The following PPFIA1 variants were observed in gnomAD, a reference collection of about 807,000 sequenced individuals.
PPFIA1 encodes the protein liprin-alpha-1.
A neutral mutation model predicts 149.9 loss-of-function variants in PPFIA1; 25 were observed. The ratio of observed to expected loss-of-function variants is 0.17; its 90% confidence interval spans 0.12 to 0.23. PPFIA1 has a LOEUF of 0.23. Ranked by LOEUF, PPFIA1 falls within the 10% of genes least tolerant of loss-of-function variation. The probability of loss-of-function intolerance (pLI) is 1.00; values close to 1 mark genes in which losing one functional copy is unlikely to be tolerated. For synonymous variants in PPFIA1, 549 were observed against 552.8 expected (o/e 0.99, Z 0.10); for missense variants, 1,362 against 1,506.5 (o/e 0.90, Z 1.59).
intron 13 of PPFIA1, 52 bp downstream of exon 13, chr11:70,338,505 G>A: frequency 6.8e-7 from 1 of 1,480,292 alleles, no homozygotes; most frequent in Non-Finnish European, 9.4e-7. Flanking sequence ...TGGCAGGCCA[G>A]TTCTTGGCTA....
intron 26 of PPFIA1, chr11:70,380,979 T>G (rs1044923850): frequency 4.6e-5 from 7 of 152,040 alleles, no homozygotes; most frequent in Non-Finnish European, 7.3e-5. Context: ...TTTTGAATTT[T>G]TTGTAGAGAT....
intron 21 of PPFIA1, among the ~76,000 whole-genome samples, chr11:70,363,912 G>A (rs539112750): frequency 6.6e-6 from 1 of 151,126 alleles, no homozygotes; most frequent in South Asian, 2.1e-4. Flanking sequence ...TTTTTGTAGA[G>A]ATGGGTCTCA....
chr11:70,271,934 C>G, intron 1 of PPFIA1: 1 of 496,308 alleles, frequency 2.0e-6, no homozygotes, highest in Non-Finnish European at 3.6e-6. Context: ...GAGGGTAGTC[C>G]TTTGGGATCT....
intron 23 of PPFIA1, among the ~76,000 whole-genome samples, chr11:70,372,857 C>T (rs1026654111): frequency 1.2e-4 from 18 of 152,190 alleles, no homozygotes; most frequent in African/African-American, 3.9e-4. Flanking sequence ...TTTGGTCATG[C>T]CCTGTGTACT....
At chr11:70,329,453 T>G (rs2054527006) in intron 7 of PPFIA1, among the ~76,000 whole-genome samples, 1 of 152,128 alleles carries the variant, frequency 6.6e-6, no homozygotes, top group Admixed American at 6.5e-5. Context: ...TATTATTTAT[T>G]TATTTATTTT....
At chr11:70,367,469 A>G (rs1214451371) in intron 21 of PPFIA1, 1 of 454,850 alleles carries the variant, frequency 2.2e-6, no homozygotes, top group Admixed American at 2.4e-5. Context: ...TGGAGCTCCC[A>G]TTTTATGGAG....
At chr11:70,376,484 A>G (rs746319817) in intron 24 of PPFIA1, 48 bp from the exon 25 acceptor site, 2 of 1,547,690 alleles carry the variant, frequency 1.3e-6, no homozygotes, top group South Asian at 2.2e-5. Flanking sequence ...AACACCCTTC[A>G]AATTAGATTT....
intron 2 of PPFIA1, among the ~76,000 whole-genome samples, chr11:70,296,036 C>G (rs2051978428): frequency 1.3e-5 from 2 of 151,904 alleles, no homozygotes. Context: ...CTCCTCACAT[C>G]CCAGACGGGG....
chr11:70,330,391 C>G (rs1311857241), intron 8 of PPFIA1, 72 bp downstream of exon 8: 2 of 1,331,894 alleles, frequency 1.5e-6, no homozygotes, highest in South Asian at 3.2e-5. Flanking sequence ...TTTTCTCTCA[C>G]TTTCATGTTG....
At chr11:70,350,776 A>C (rs1481557959) in intron 16 of PPFIA1, among the ~76,000 whole-genome samples, 1 of 152,186 alleles carries the variant, frequency 6.6e-6, no homozygotes, top group Non-Finnish European at 1.5e-5. Flanking sequence ...AATTTTATCT[A>C]AGTAATAATT....
chr11:70,286,282 C>T (rs553272326), intron 2 of PPFIA1, among the ~76,000 whole-genome samples: 33 of 152,266 alleles, frequency 2.2e-4, no homozygotes, highest in South Asian at 1.9e-3. Flanking sequence ...GATGGAGTCT[C>T]GTCCTGTTGC....
At chr11:70,319,403 G>A (rs113375115) in intron 2 of PPFIA1, among the ~76,000 whole-genome samples, 75 of 152,358 alleles carry the variant, frequency 4.9e-4, no homozygotes, top group African/African-American at 1.7e-3. Context: ...GAAAACGGGT[G>A]AAGGGCACGG....
chr11:70,308,136 C>T (rs1565373932), intron 2 of PPFIA1, among the ~76,000 whole-genome samples: 1 of 152,216 alleles, frequency 6.6e-6, no homozygotes, highest in African/African-American at 2.4e-5. Flanking sequence ...GCAACCTTCG[C>T]CTCCTGGGAT....
intron 2 of PPFIA1, among the ~76,000 whole-genome samples, chr11:70,319,600 C>G (rs1341790617): frequency 5.9e-5 from 9 of 152,188 alleles, no homozygotes; most frequent in Non-Finnish European, 1.0e-4. Flanking sequence ...TTGAGCACAT[C>G]CCTTATGCTA....
chr11:70,336,657 G>T (rs978061218), intron 11 of PPFIA1, among the ~76,000 whole-genome samples: 2 of 152,160 alleles, frequency 1.3e-5, no homozygotes, highest in African/African-American at 4.8e-5. Flanking sequence ...AAAAGTTTAA[G>T]CCTGGACTCT....
At chr11:70,369,844 C>T (rs2057136540) in intron 21 of PPFIA1, among the ~76,000 whole-genome samples, 1 of 152,020 alleles carries the variant, frequency 6.6e-6, no homozygotes, top group African/African-American at 2.4e-5. Flanking sequence ...GCTGTGTTGC[C>T]CAGGCTGGTC....
At chr11:70,342,841 G>A (rs1484994947) in intron 14 of PPFIA1, among the ~76,000 whole-genome samples, 1 of 151,158 alleles carries the variant, frequency 6.6e-6, no homozygotes, top group Non-Finnish European at 1.5e-5. Context: ...AATTAAATCA[G>A]GGTAATTGGG....
chr11:70,330,397 T>C, intron 8 of PPFIA1, 78 bp downstream of exon 8: 1 of 1,299,626 alleles, frequency 7.7e-7, no homozygotes, highest in Non-Finnish European at 1.0e-6. Context: ...CTCACTTTCA[T>C]GTTGGAAATC....
chr11:70,323,139 A>T (rs1266231519), intron 2 of PPFIA1, among the ~76,000 whole-genome samples: 1 of 152,168 alleles, frequency 6.6e-6, no homozygotes, highest in African/African-American at 2.4e-5. Flanking sequence ...CTGTGCCTCC[A>T]TTAAACCCAC....
Sources: allele counts gnomAD v4.1 joint callset (sites outside exome capture counted in the v4.1 genomes callset), GRCh38; gene constraint gnomAD v4.1.1; transcripts MANE v1.5; gene names NCBI Gene and HGNC (gene_info 2026-07-23, HGNC 2026-07-21).